Variants in RAB38 observed in about 807,000 individuals in gnomAD.
RAB38 encodes the protein ras-related protein Rab-38.
In RAB38, 15 loss-of-function variants were observed where a neutral mutation model predicts 18.4. That is an observed-to-expected ratio of 0.82 (90% confidence interval 0.55 to 1.26). The LOEUF is 1.26. RAB38 is among the 50% of genes most tolerant of loss of function. RAB38 has a pLI of 0.00. For missense variants in RAB38, 294 were observed against 267.4 expected, an observed-to-expected ratio of 1.10 and a Z score of -0.69; for synonymous variants, 101 against 104.4, an observed-to-expected ratio of 0.97 and a Z score of 0.20.
the RAB38 span, among the ~76,000 whole-genome samples, chr11:88,033,011 A>C: frequency 2.0e-5 from 3 of 152,204 alleles, no homozygotes; most frequent in Non-Finnish European, 4.4e-5. Context: ...GATTAAGAAA[A>C]TGTGGCACAT....
the RAB38 span, among the ~76,000 whole-genome samples, chr11:87,912,830 C>CTATAGTAT: frequency 1.5e-5 from 2 of 133,124 alleles, no homozygotes; most frequent in Non-Finnish European, 3.1e-5. Context: ...ATATTCAGCA[C>CTATAGTAT]TATAGTATTT....
the RAB38 span, among the ~76,000 whole-genome samples, chr11:88,027,408 G>C: frequency 2.0e-5 from 3 of 152,150 alleles, no homozygotes. Context: ...GCGAGCCTAA[G>C]CAGGGTGAGG....
At chr11:87,958,579 G>A in the RAB38 span, among the ~76,000 whole-genome samples, 6 of 152,218 alleles carry the variant, frequency 3.9e-5, no homozygotes, top group East Asian at 1.9e-4. Context: ...AGCTTCTAGT[G>A]TCTTTTGTGA....
chr11:88,057,548 ATGTAGTGTTCAATAAATGTTG>A, the RAB38 span, among the ~76,000 whole-genome samples: 2 of 152,262 alleles, frequency 1.3e-5, no homozygotes, highest in Middle Eastern at 6.8e-3. Flanking sequence ...AGCACACAGC[ATGTAGTGTTCAATAAATGTTG>A]TTTCCTTATG....
At chr11:88,059,332 T>G in the RAB38 span, among the ~76,000 whole-genome samples, 1 of 152,246 alleles carries the variant, frequency 6.6e-6, no homozygotes, top group Non-Finnish European at 1.5e-5. Flanking sequence ...CTCTGGCTTA[T>G]AATCTCTATT....
At chr11:87,924,242 A>G in the RAB38 span, among the ~76,000 whole-genome samples, 1 of 152,028 alleles carries the variant, frequency 6.6e-6, no homozygotes, top group African/African-American at 2.4e-5. Flanking sequence ...AAATGCACAT[A>G]CATGCCTTGG....
the RAB38 span, among the ~76,000 whole-genome samples, chr11:87,841,706 G>C: frequency 1.6e-4 from 24 of 152,136 alleles, no homozygotes; most frequent in African/African-American, 5.8e-4. Context: ...TGTACAACCT[G>C]ATCTGGACGT....
chr11:87,976,245 A>T, the RAB38 span, among the ~76,000 whole-genome samples: 1,092 of 145,414 alleles, frequency 7.5e-3, 27 homozygotes, highest in East Asian at 0.026. Context: ...ATACACCTTC[A>T]TATATGTTAT....
the RAB38 span, among the ~76,000 whole-genome samples, chr11:88,032,042 A>G: frequency 3.3e-5 from 5 of 151,280 alleles, no homozygotes; most frequent in East Asian, 1.9e-4. Flanking sequence ...ATATAGATCA[A>G]TGGAACAGAA....
chr11:87,927,835 G>GGCA, the RAB38 span, among the ~76,000 whole-genome samples: 6 of 152,020 alleles, frequency 3.9e-5, no homozygotes, highest in Admixed American at 3.9e-4. Context: ...AGGAGGCTGA[G>GGCA]GCAGGAGGAT....
chr11:88,021,754 G>T, the RAB38 span, among the ~76,000 whole-genome samples: 281 of 143,228 alleles, frequency 2.0e-3, 2 homozygotes, highest in African/African-American at 7.1e-3. Context: ...ACTAATTTTT[G>T]TATTTTTAGT....
chr11:87,860,229 A>ATTT, the RAB38 span, among the ~76,000 whole-genome samples: 1 of 152,032 alleles, frequency 6.6e-6, no homozygotes. Flanking sequence ...AGCAATACTA[A>ATTT]ATATGCATCA....
the RAB38 span, among the ~76,000 whole-genome samples, chr11:87,863,658 T>C: frequency 1.3e-5 from 2 of 151,806 alleles, no homozygotes; most frequent in African/African-American, 4.8e-5. Flanking sequence ...CCTCAAAGTT[T>C]ATCATTCATT....
chr11:87,931,306 T>G, the RAB38 span, among the ~76,000 whole-genome samples: 2 of 152,026 alleles, frequency 1.3e-5, no homozygotes, highest in Non-Finnish European at 2.9e-5. Context: ...TGCAAGTTGG[T>G]TTGGGTTGTC....
chr11:88,082,168 G>C, the RAB38 span, among the ~76,000 whole-genome samples: 2 of 151,774 alleles, frequency 1.3e-5, no homozygotes, highest in Non-Finnish European at 2.9e-5. Flanking sequence ...TAATAGAATT[G>C]TTTTGGTAGT....
chr11:88,114,072 TAGGTC>T lies in RAB38; in HGVS notation c.547_551del (p.Asp183AsnfsTer5). On this transcript the variant is annotated frameshift_variant, in exon 3 of 3. Transcript: ENST00000243662. LOFTEE classifies it high-confidence loss of function. Reference sequence around the variant, plus strand: ...CGACGTCCGGCTCAATAGACTCCATTAGGTCACACTCATTTGCAAGTATGTGTTTC... The same window carrying T: ...CGACGTCCGGCTCAATAGACTCCATTACACTCATTTGCAAGTATGTGTTTC... 1.9e-6 allele frequency: 3 copies of T among 1,614,186 alleles called. No homozygotes were observed. Among genetic ancestry groups the T allele is most frequent in the Non-Finnish European group, 2.5e-6 (3 of 1,180,020 alleles).
At chr11:87,933,122 C>A in the RAB38 span, among the ~76,000 whole-genome samples, 1 of 152,046 alleles carries the variant, frequency 6.6e-6, no homozygotes, top group Non-Finnish European at 1.5e-5. Flanking sequence ...TAAACTGACT[C>A]AAGTTCCAGA....
intron 1 of RAB38, among the ~76,000 whole-genome samples, chr11:88,155,231 A>G (rs4753009): frequency 0.25 from 37,460 of 152,132 alleles, 4,667 homozygotes; most frequent in Admixed American, 0.27. Context: ...CCCCTTGGCT[A>G]AGCAGGGAGC....
the RAB38 span, among the ~76,000 whole-genome samples, chr11:88,034,999 C>T: frequency 2.0e-5 from 3 of 152,262 alleles, no homozygotes; most frequent in East Asian, 5.8e-4. Context: ...TTGTTAATGT[C>T]GTTTTTTAAG....
Sources: allele counts gnomAD v4.1 joint callset (sites outside exome capture counted in the v4.1 genomes callset), GRCh38; gene constraint gnomAD v4.1.1; transcripts MANE v1.5; gene names NCBI Gene and HGNC (gene_info 2026-07-23, HGNC 2026-07-21).